STRN3: variants seen among roughly 807,000 people sequenced by gnomAD.
STRN3 encodes the protein striatin-3.
Under a neutral mutation model 95.6 loss-of-function variants are expected in STRN3, and 29 were observed. That is an observed-to-expected ratio of 0.30 (90% CI 0.23 to 0.41). The LOEUF (loss-of-function observed/expected upper bound fraction) is 0.41, where lower values mean the gene tolerates loss of function less well. Ranked by LOEUF, STRN3 falls within the 10% of genes least tolerant of loss-of-function variation. The pLI is 1.00. For synonymous variants in STRN3, 331 were observed against 357.6 expected (o/e 0.93, Z 0.84); for missense variants, 890 against 972.1 (o/e 0.92, Z 1.12).
intron 1 of STRN3, among the ~76,000 whole-genome samples, chr14:30,965,464 G>A (rs764354332): frequency 3.3e-5 from 5 of 151,926 alleles, no homozygotes; most frequent in African/African-American, 7.3e-5. Flanking sequence ...AGGCAGAAAC[G>A]TCACTTGAGG....
intron 3 of STRN3, among the ~76,000 whole-genome samples, chr14:30,953,783 C>T (rs1322789759): frequency 6.6e-6 from 1 of 152,134 alleles, no homozygotes; most frequent in East Asian, 1.9e-4. Context: ...GCATGCAACA[C>T]CAAGCCTGGG....
At chr14:30,993,265 A>AC in intron 1 of STRN3, among the ~76,000 whole-genome samples, 1 of 151,756 alleles carries the variant, frequency 6.6e-6, no homozygotes, top group East Asian at 1.9e-4. Context: ...AAAAAAAAAA[A>AC]AAAAACCCAC....
intron 1 of STRN3, among the ~76,000 whole-genome samples, chr14:30,982,401 G>A (rs1314497314): frequency 2.6e-5 from 4 of 152,224 alleles, no homozygotes; most frequent in Non-Finnish European, 4.4e-5. Flanking sequence ...TCCGCATCCC[G>A]GGTTCAAGCA....
chr14:30,941,414 G>T (rs897190234), intron 5 of STRN3, among the ~76,000 whole-genome samples: 1 of 152,148 alleles, frequency 6.6e-6, no homozygotes, highest in Non-Finnish European at 1.5e-5. Flanking sequence ...CACACAGTAG[G>T]AGAAAACAGG....
At chr14:30,915,618 A>C (rs1380868301) in intron 9 of STRN3, among the ~76,000 whole-genome samples, 1 of 152,192 alleles carries the variant, frequency 6.6e-6, no homozygotes, top group Non-Finnish European at 1.5e-5. Context: ...TTTAAGGATA[A>C]TTATATAAAA....
In STRN3 at chr14:30,944,650, G is replaced by A. The variant is rs186604073; in HGVS notation, c.716+2440C>T. Among the ~76,000 whole-genome samples, 18 of 131,664 alleles carry A rather than the reference G, an allele frequency of 1.4e-4. 1 individual carries two copies. The East Asian group carries it at 3.1e-3, about 22-fold the overall frequency. The allele number at this position is 131,664 out of a possible 152,430, so 86.4% of individuals were successfully genotyped here. A position where few individuals can be genotyped will look rare whatever the true frequency, so the allele number is the denominator to read the frequency against. On this transcript the variant is annotated intron_variant, in intron 5 of 17. Transcript: ENST00000357479. Reference sequence around the variant, plus strand: ...TTTTTTTTTTTTGAGATGGAGTCTCGCTGTGTCACCCAGGCCGGAATGCAA... The same window carrying A: ...TTTTTTTTTTTTGAGATGGAGTCTCACTGTGTCACCCAGGCCGGAATGCAA...
intron 1 of STRN3, among the ~76,000 whole-genome samples, chr14:30,982,843 T>C (rs1415274598): frequency 1.3e-5 from 2 of 152,188 alleles, no homozygotes; most frequent in Admixed American, 6.5e-5. Context: ...ATAGTACCTG[T>C]TGGGTACTGT....
chr14:30,915,028 T>C (rs1368729125), intron 9 of STRN3, among the ~76,000 whole-genome samples: 1 of 152,182 alleles, frequency 6.6e-6, no homozygotes, highest in Admixed American at 6.5e-5. Flanking sequence ...AAGCAAAATT[T>C]TAACATTAAG....
chr14:30,930,153 A>T (rs1280770546), intron 7 of STRN3, among the ~76,000 whole-genome samples: 1 of 152,074 alleles, frequency 6.6e-6, no homozygotes, highest in East Asian at 1.9e-4. Context: ...AGAAAAATTT[A>T]CTCATAGTCA....
chr14:31,011,806 G>A (rs544528301), intron 1 of STRN3, among the ~76,000 whole-genome samples: 28 of 151,752 alleles, frequency 1.8e-4, no homozygotes, highest in African/African-American at 5.3e-4. Context: ...TTTTTTTGAG[G>A]CAGTGGCTAA....
intron 5 of STRN3, among the ~76,000 whole-genome samples, chr14:30,945,811 A>G (rs754315667): frequency 1.3e-5 from 2 of 152,184 alleles, no homozygotes; most frequent in South Asian, 2.1e-4. Flanking sequence ...ACAGAGACAG[A>G]GAGTAGATTA....
At chr14:30,910,985 T>C in intron 13 of STRN3, 56 bp downstream of exon 13, 2 of 1,573,880 alleles carry the variant, frequency 1.3e-6, no homozygotes, top group Non-Finnish European at 1.7e-6. Context: ...TTTGAGGTAT[T>C]TACTTTTGTC....
chr14:30,925,486 G>C (rs1268336934), intron 8 of STRN3, among the ~76,000 whole-genome samples: 5 of 152,106 alleles, frequency 3.3e-5, no homozygotes, highest in African/African-American at 1.2e-4. Context: ...AAGCTGCAGT[G>C]AAAAATCTGT....
intron 1 of STRN3, among the ~76,000 whole-genome samples, chr14:30,969,841 C>A (rs1880734320): frequency 6.6e-6 from 1 of 152,082 alleles, no homozygotes; most frequent in Admixed American, 6.6e-5. Context: ...TAAACCAGCA[C>A]CAGCCTGAAG....
Position 30,935,233 on chromosome 14 carries a change from A to G in STRN3, c.918T>C (p.Asp306=). The G allele has an allele frequency of 1.2e-5, 19 of 1,614,124 alleles. No individual in the cohort carries two copies. Among genetic ancestry groups the G allele is most frequent in the Non-Finnish European group, 1.6e-5 (19 of 1,179,986 alleles). ...CACCATCTTCAGCAGTCACTAAAAA[A>G]TCAAATTCTTTCAGTGCTTCCTCAG... ...PDTEEALKEF[D]FLVTAEDGEG... The change falls in exon 7 of 18, where the codon GAT becomes GAC. Residue 306 remains aspartate, a synonymous_variant. Transcript: ENST00000357479.
chr14:30,895,497 CA>C lies in STRN3; in HGVS notation c.2307del (p.Asp769GlufsTer16). On this transcript the variant is annotated frameshift_variant, in exon 18 of 18. Transcript: ENST00000357479. LOFTEE classifies it high-confidence loss of function. ...QEITAHRKKL[D>X]ESIYDVAFHS... ...TGGAAAGCAACATCATAAATTGATT[CA>C]TCCAATTTCTTTCTGTGAGCTGTTA... is the stretch of plus-strand genomic sequence containing the variant. 1 of 1,614,046 alleles carries C rather than the reference CA, an allele frequency of 6.2e-7. No individual in the cohort carries two copies. Among genetic ancestry groups the C allele is most frequent in the Non-Finnish European group, 8.5e-7 (1 of 1,179,972 alleles).
At chr14:30,961,339 C>G (rs1880195361) in intron 1 of STRN3, among the ~76,000 whole-genome samples, 1 of 152,106 alleles carries the variant, frequency 6.6e-6, no homozygotes, top group African/African-American at 2.4e-5. Flanking sequence ...AGACAAAGAA[C>G]ATTATATACA....
intron 8 of STRN3, among the ~76,000 whole-genome samples, chr14:30,925,011 G>A (rs1896987201): frequency 6.6e-6 from 1 of 152,070 alleles, no homozygotes; most frequent in Non-Finnish European, 1.5e-5. Flanking sequence ...AAGTTAAAAG[G>A]AAAAGAAAGC....
chr14:30,912,681 C>G (rs1469512457), intron 10 of STRN3, among the ~76,000 whole-genome samples: 1 of 152,074 alleles, frequency 6.6e-6, no homozygotes, highest in Non-Finnish European at 1.5e-5. Flanking sequence ...TTTCATAATT[C>G]TTGATATTGA....
Sources: allele counts gnomAD v4.1 joint callset (sites outside exome capture counted in the v4.1 genomes callset), GRCh38; gene constraint gnomAD v4.1.1; transcripts MANE v1.5; gene names NCBI Gene and HGNC (gene_info 2026-07-23, HGNC 2026-07-21).